PPP2R2C: variants seen among roughly 807,000 people sequenced by gnomAD.
The protein encoded by PPP2R2C is protein phosphatase 2, regulatory subunit B, gamma.
PPP2R2C carries 10 observed loss-of-function variants against 45.3 expected under a neutral mutation model. The ratio of observed to expected loss-of-function variants is 0.22; its 90% CI spans 0.14 to 0.37. The LOEUF (loss-of-function observed/expected upper bound fraction) is 0.37, where lower values mean the gene tolerates loss of function less well. Among genes scored for constraint, PPP2R2C ranks in the 10% least tolerant of loss-of-function variants. The probability of loss-of-function intolerance (pLI) is 1.00; values close to 1 mark genes in which losing one functional copy is unlikely to be tolerated. For synonymous variants in PPP2R2C, 257 were observed against 245.4 expected (o/e 1.05, Z -0.44); for missense variants, 308 against 619.7 (o/e 0.50, Z 5.34).
intron 2 of PPP2R2C, among the ~76,000 whole-genome samples, chr4:6,515,442 G>T (rs899623071): frequency 1.3e-5 from 2 of 152,136 alleles, no homozygotes; most frequent in Non-Finnish European, 2.9e-5. Context: ...ACACTGATGG[G>T]GTTTGGATCT....
chr4:6,434,359 C>CTTTTTTT lies in PPP2R2C; in HGVS notation c.70+37794_70+37800dup, dbSNP rs34292067. ...CACCTGCGTATTTCTTTTTTCTTTT[C>CTTTTTTT]TTTTTTTTTTTTTTTTGGAGACAGA... On this transcript the variant is annotated intron_variant, in intron 1 of 8. Coordinates refer to ENST00000382599, the MANE Select transcript of PPP2R2C (RefSeq NM_020416.4). Among the ~76,000 whole-genome samples the CTTTTTTT allele has an allele frequency of 1.8e-3, 213 of 116,048 alleles. 10 individuals are homozygous for CTTTTTTT. The highest frequency in any genetic ancestry group is 2.2e-3 in the Admixed American group (22 of 9,886). 76.1% of individuals were successfully genotyped at this position (116,048 alleles called of 152,430 possible).
At chr4:6,534,660 T>TAC (rs1285581044) in intron 2 of PPP2R2C, among the ~76,000 whole-genome samples, 1 of 150,124 alleles carries the variant, frequency 6.7e-6, no homozygotes, top group Non-Finnish European at 1.5e-5. Flanking sequence ...CCCAAAGAGA[T>TAC]ACACACCAAC....
At chr4:6,512,152 GTGATGGTGA>G (rs1293458926) in intron 2 of PPP2R2C, among the ~76,000 whole-genome samples, 28 of 59,476 alleles carry the variant, frequency 4.7e-4, no homozygotes, top group Non-Finnish European at 7.7e-4. Flanking sequence ...GGTGGTAGTG[GTGATGGTGA>G]TGGTGGTGAT....
At chr4:6,406,598 C>A (rs76098169) in intron 1 of PPP2R2C, among the ~76,000 whole-genome samples, 3 of 149,866 alleles carry the variant, frequency 2.0e-5, no homozygotes, top group Middle Eastern at 3.4e-3. Flanking sequence ...AAGAAAAAGC[C>A]AAAAAAAAAA....
chr4:6,338,270 C>T (rs527567692), intron 6 of PPP2R2C, among the ~76,000 whole-genome samples: 63 of 152,350 alleles, frequency 4.1e-4, no homozygotes, highest in African/African-American at 1.3e-3. Flanking sequence ...CAGCCGAAAT[C>T]TCCATCCTGT....
At chr4:6,382,124 T>C in intron 1 of PPP2R2C, 2 of 1,274,622 alleles carry the variant, frequency 1.6e-6, no homozygotes, top group Non-Finnish European at 2.0e-6. Flanking sequence ...TTCTTAATAT[T>C]TGAAAAGTAG....
intron 2 of PPP2R2C, among the ~76,000 whole-genome samples, chr4:6,505,893 G>T (rs575067024): frequency 2.0e-4 from 31 of 152,320 alleles, no homozygotes; most frequent in South Asian, 6.2e-4. Flanking sequence ...TTGAACCCAG[G>T]AGGTGGAGGT....
intron 1 of PPP2R2C, among the ~76,000 whole-genome samples, chr4:6,541,544 T>G (rs1407234468): frequency 6.6e-6 from 1 of 151,972 alleles, no homozygotes; most frequent in African/African-American, 2.4e-5. Context: ...ATGAGTTGTT[T>G]CGTTTGTTTG....
chr4:6,460,577 A>C (rs935475385), intron 1 of PPP2R2C, among the ~76,000 whole-genome samples: 38 of 152,200 alleles, frequency 2.5e-4, no homozygotes, highest in African/African-American at 9.2e-4. Flanking sequence ...AAAGATTACA[A>C]AATAGGATAC....
In PPP2R2C at chr4:6,329,554, C is replaced by A. The variant is rs919754981; in HGVS notation, c.961-201G>T. ...TCTCATCGGGAGGCCCATGACCAGG[C>A]ACACGGCTGACCCCGACCGTGACAC... On this transcript the variant is annotated intron_variant, in intron 7 of 8. Transcript: ENST00000382599. This position sits in a 1 kb window ranked among gnomAD's most constrained non-coding sequence, Gnocchi z 5.8. Among the ~76,000 whole-genome samples the A allele has an allele frequency of 1.3e-5, 2 of 152,036 alleles. No homozygotes were observed. The highest frequency in any genetic ancestry group is 6.5e-5 in the Admixed American group (1 of 15,286).
At chr4:6,529,242 G>A (rs906672079) in intron 2 of PPP2R2C, among the ~76,000 whole-genome samples, 2 of 152,216 alleles carry the variant, frequency 1.3e-5, no homozygotes, top group South Asian at 2.1e-4. Context: ...AGCGACGCAG[G>A]AGCTCCCACT....
chr4:6,384,782 C>A (rs1716103908), intron 1 of PPP2R2C: 5 of 985,488 alleles, frequency 5.1e-6, no homozygotes, highest in Non-Finnish European at 1.2e-6. Context: ...GCGGGAGACA[C>A]TACTGTGATT....
rs538614227 is a variant in PPP2R2C, at chr4:6,359,789, G to A, written c.626-11779C>T. On this transcript the variant is annotated intron_variant, in intron 5 of 8. Coordinates refer to ENST00000382599, the MANE Select transcript of PPP2R2C (RefSeq NM_020416.4). ...GCTAAGCTGCACCAGTCTGCCCCCC[G>A]GTCGTCCTCTCCTGTAAGGTGGGCA... Among the ~76,000 whole-genome samples the A allele has an allele frequency of 5.4e-4, 82 of 152,226 alleles. 1 individual carries two copies. Among genetic ancestry groups the A allele is most frequent in the African/African-American group, 1.6e-3 (67 of 41,538 alleles).
intron 2 of PPP2R2C, among the ~76,000 whole-genome samples, chr4:6,488,109 C>T (rs1188124720): frequency 2.0e-5 from 3 of 152,048 alleles, no homozygotes; most frequent in Non-Finnish European, 2.9e-5. Context: ...GATTGTATGT[C>T]CAATCTTTCC....
chr4:6,370,387 C>T (rs963858459), intron 5 of PPP2R2C, among the ~76,000 whole-genome samples: 1 of 152,356 alleles, frequency 6.6e-6, no homozygotes, highest in South Asian at 2.1e-4. Flanking sequence ...GTGAGCCCCA[C>T]ACCCTCCCCA....
intron 2 of PPP2R2C, among the ~76,000 whole-genome samples, chr4:6,511,207 G>A (rs1723441297): frequency 6.6e-6 from 1 of 152,134 alleles, no homozygotes; most frequent in Non-Finnish European, 1.5e-5. Flanking sequence ...TGCCTGGCAT[G>A]GCGTGAGTGC....
intron 1 of PPP2R2C, among the ~76,000 whole-genome samples, chr4:6,550,735 T>C (rs1178442622): frequency 6.6e-6 from 1 of 152,192 alleles, no homozygotes; most frequent in Non-Finnish European, 1.5e-5. Context: ...AGCCTCAAAT[T>C]CCTGAGCTCA....
chr4:6,511,582 G>A (rs1389777207), intron 2 of PPP2R2C, among the ~76,000 whole-genome samples: 2 of 79,062 alleles, frequency 2.5e-5, no homozygotes, highest in African/African-American at 9.9e-5. Context: ...GATGGCGGTG[G>A]TGGTGGTGGT....
chr4:6,437,155 G>T (rs1577182129), intron 1 of PPP2R2C, among the ~76,000 whole-genome samples: 1 of 152,202 alleles, frequency 6.6e-6, no homozygotes, highest in African/African-American at 2.4e-5. Flanking sequence ...ATGGTGCACT[G>T]TGTCTTGCTT....
Sources: allele counts gnomAD v4.1 joint callset (sites outside exome capture counted in the v4.1 genomes callset), GRCh38; gene constraint gnomAD v4.1.1; non-coding constraint Gnocchi (gnomAD v3.1); transcripts MANE v1.5; gene names NCBI Gene and HGNC (gene_info 2026-07-23, HGNC 2026-07-21).